The following FAM81A variants were observed in gnomAD, a reference collection of about 807,000 sequenced individuals.
FAM81A encodes protein FAM81A.
Under a neutral mutation model 46.7 loss-of-function variants are expected in FAM81A, and 19 were observed. The ratio of observed to expected loss-of-function variants is 0.41; its 90% CI spans 0.28 to 0.60. The LOEUF (loss-of-function observed/expected upper bound fraction) is 0.60, where lower values mean the gene tolerates loss of function less well. FAM81A is among the 20% of genes least tolerant of loss of function. FAM81A has a pLI of 0.34. For missense variants in FAM81A, 377 were observed against 453.5 expected, an observed-to-expected ratio of 0.83 and a Z score of 1.53; for synonymous variants, 183 against 152.9, an observed-to-expected ratio of 1.20 and a Z score of -1.45.
chr15:59,401,380 C>T (rs1323243686), intron 1 of FAM81A: 6 of 788,010 alleles, frequency 7.6e-6, no homozygotes, highest in South Asian at 2.7e-5. Flanking sequence ...AAGTTGTATA[C>T]AGTGGGGACG....
Position 59,423,128 on chromosome 15 carries a change from C to T in FAM81A, c.-78+20770C>T, listed in dbSNP as rs371870957. Among the ~76,000 whole-genome samples, 3 of 152,212 alleles carry T rather than the reference C, an allele frequency of 2.0e-5. No homozygotes were observed. The East Asian group carries it at 5.8e-4, about 29-fold the overall frequency. On this transcript the variant is annotated intron_variant, in intron 2 of 4. Coordinates refer to the FAM81A transcript ENST00000558348. ...ATTTTTACTTTTTAAGACGGAGTCTCGCACTGTCGCCCAGGCTGGAGTGCA... is the reference window on the plus strand; with the variant it reads ...ATTTTTACTTTTTAAGACGGAGTCTTGCACTGTCGCCCAGGCTGGAGTGCA...
At chr15:59,473,242 A>G (rs1043815612) in intron 3 of FAM81A, among the ~76,000 whole-genome samples, 1 of 152,188 alleles carries the variant, frequency 6.6e-6, no homozygotes, top group Non-Finnish European at 1.5e-5. Context: ...TTAAATGGAA[A>G]AATCCATAAA....
intron 6 of FAM81A, among the ~76,000 whole-genome samples, chr15:59,513,946 A>T (rs1175574267): frequency 6.6e-6 from 1 of 152,198 alleles, no homozygotes; most frequent in African/African-American, 2.4e-5. Context: ...TGGATCTGGA[A>T]GCCATTATCC....
At chr15:59,500,957 T>TA (rs1411372753) in intron 4 of FAM81A, among the ~76,000 whole-genome samples, 1 of 152,192 alleles carries the variant, frequency 6.6e-6, no homozygotes, top group Non-Finnish European at 1.5e-5. Flanking sequence ...ATTCTATATT[T>TA]ATATTAGCTA....
intron 4 of FAM81A, among the ~76,000 whole-genome samples, chr15:59,506,191 T>C (rs1320432076): frequency 1.3e-5 from 2 of 152,140 alleles, no homozygotes; most frequent in African/African-American, 4.8e-5. Flanking sequence ...GTTTTATCTT[T>C]TTGTAGACAC....
chr15:59,472,590 C>T (rs1373600622), intron 3 of FAM81A, among the ~76,000 whole-genome samples: 1 of 149,794 alleles, frequency 6.7e-6, no homozygotes, highest in Non-Finnish European at 1.5e-5. Context: ...TTTCTGGAGA[C>T]GGGGTCTGGC....
intron 3 of FAM81A, among the ~76,000 whole-genome samples, chr15:59,485,634 A>C (rs2081908897): frequency 6.6e-6 from 1 of 152,230 alleles, no homozygotes; most frequent in Admixed American, 6.5e-5. Context: ...AGTCCCTTTG[A>C]ATATCTGGAA....
At chr15:59,483,122 C>T (rs938214153) in intron 3 of FAM81A, among the ~76,000 whole-genome samples, 3 of 152,030 alleles carry the variant, frequency 2.0e-5, no homozygotes, top group Non-Finnish European at 4.4e-5. Flanking sequence ...ACTGCAACCT[C>T]TGCCTCCTGG....
At chr15:59,409,290 C>G (rs555981097) in intron 2 of FAM81A, among the ~76,000 whole-genome samples, 1 of 152,278 alleles carries the variant, frequency 6.6e-6, no homozygotes, top group African/African-American at 2.4e-5. Flanking sequence ...CCGAAGATGC[C>G]TTTCTCCGGG....
At chr15:59,502,544 C>T (rs1316960118) in intron 4 of FAM81A, among the ~76,000 whole-genome samples, 2 of 149,534 alleles carry the variant, frequency 1.3e-5, no homozygotes, top group East Asian at 3.9e-4. Flanking sequence ...GACAGAGTTT[C>T]GCTCTGTTGC....
chr15:59,442,922 C>G (rs932981745), intron 1 of FAM81A, among the ~76,000 whole-genome samples: 1 of 152,110 alleles, frequency 6.6e-6, no homozygotes. Context: ...CACCTAAATA[C>G]TCGTGTATAT....
chr15:59,410,427 A>G (rs914192238), intron 2 of FAM81A, among the ~76,000 whole-genome samples: 5 of 152,250 alleles, frequency 3.3e-5, no homozygotes, highest in African/African-American at 9.6e-5. Context: ...GTCCACACAA[A>G]TAACTTAGCT....
At chr15:59,465,565 G>A (rs780285472) in intron 3 of FAM81A, among the ~76,000 whole-genome samples, 10 of 152,260 alleles carry the variant, frequency 6.6e-5, no homozygotes, top group East Asian at 1.9e-4. Flanking sequence ...GAGCCATTGC[G>A]CCTGGCCCTA....
chr15:59,431,163 T>G (rs2081218161), intron 2 of FAM81A, among the ~76,000 whole-genome samples: 2 of 152,190 alleles, frequency 1.3e-5, no homozygotes, highest in African/African-American at 2.4e-5. Flanking sequence ...CCATCAGACC[T>G]GCTGGACATC....
chr15:59,457,014 C>A (rs1409383269), intron 1 of FAM81A, among the ~76,000 whole-genome samples: 3 of 152,198 alleles, frequency 2.0e-5, no homozygotes, highest in Non-Finnish European at 4.4e-5. Flanking sequence ...AGATTAATAT[C>A]TCAACTGAGA....
chr15:59,426,041 T>C (rs2081193296), intron 2 of FAM81A, among the ~76,000 whole-genome samples: 1 of 152,230 alleles, frequency 6.6e-6, no homozygotes, highest in South Asian at 2.1e-4. Context: ...GTTTATGTTC[T>C]TTTGAACAAA....
chr15:59,432,025 A>G (rs894891542), intron 2 of FAM81A, among the ~76,000 whole-genome samples: 7 of 152,284 alleles, frequency 4.6e-5, no homozygotes, highest in Admixed American at 4.6e-4. Flanking sequence ...CAACTGCATA[A>G]TATTAATTTA....
In FAM81A at chr15:59,460,080, T is replaced by C. The variant is rs2081533354; in HGVS notation, c.168T>C (p.Asp56=). ...TAGAGCACGCCTTTCGGATTAAAGATGACATTGTCAACAGTTTGCAGAAAA... is the reference window on the plus strand; with the variant it reads ...TAGAGCACGCCTTTCGGATTAAAGACGACATTGTCAACAGTTTGCAGAAAA... ...ALVEHAFRIK[D]DIVNSLQKMQ... Residue 56 remains aspartate, a synonymous_variant, in exon 3 of 9, where the codon GAT becomes GAC. Coordinates refer to ENST00000288228, the MANE Select transcript of FAM81A (RefSeq NM_152450.3). The surrounding 1 kb of genome is among the most constrained non-coding windows in gnomAD (Gnocchi z 4.4). 6.2e-7 allele frequency: 1 copy of C among 1,613,956 alleles called. No individual in the cohort carries two copies. The highest frequency in any genetic ancestry group is 8.5e-7 in the Non-Finnish European group (1 of 1,179,874).
intron 2 of FAM81A, among the ~76,000 whole-genome samples, chr15:59,425,071 G>A (rs2141557095): frequency 6.6e-6 from 1 of 152,040 alleles, no homozygotes; most frequent in Middle Eastern, 3.4e-3. Context: ...ATTTTATAGA[G>A]ATGGGGTCTT....
Sources: allele counts gnomAD v4.1 joint callset (sites outside exome capture counted in the v4.1 genomes callset), GRCh38; gene constraint gnomAD v4.1.1; non-coding constraint Gnocchi (gnomAD v3.1); transcripts MANE v1.5; gene names NCBI Gene and HGNC (gene_info 2026-07-23, HGNC 2026-07-21).